The following PCYT1B variants were observed in gnomAD, a reference collection of about 807,000 sequenced individuals.
PCYT1B encodes choline-phosphate cytidylyltransferase B.
Under a neutral mutation model 26.4 loss-of-function variants are expected in PCYT1B, and 10 were observed. The observed-to-expected ratio is 0.38, with a 90% confidence interval of 0.23 to 0.64. The LOEUF (loss-of-function observed/expected upper bound fraction) is 0.64, where lower values mean the gene tolerates loss of function less well. Ranked by LOEUF, PCYT1B falls within the 30% of genes least tolerant of loss-of-function variation. PCYT1B has a pLI of 0.56. For synonymous variants in PCYT1B, 131 were observed against 108.4 expected (o/e 1.21, Z -1.29); for missense variants, 161 against 292.7 (o/e 0.55, Z 3.28).
chrX:24,622,069 A>G (rs1925717505), intron 1 of PCYT1B, among the ~76,000 whole-genome samples: 1 of 112,605 alleles, frequency 8.9e-6, no homozygotes. Context: ...TTGTGTTTGC[A>G]TGTGTGCACA....
At chrX:24,562,654 C>T (rs1454593531) in intron 7 of PCYT1B, 149 bp from the exon 8 acceptor site, 1 of 482,417 alleles carries the variant, frequency 2.1e-6, no homozygotes, top group African/African-American at 2.4e-5. Flanking sequence ...TTGTCCAAGA[C>T]TATGTATAGT....
intron 5 of PCYT1B, among the ~76,000 whole-genome samples, chrX:24,579,750 C>T (rs891185577): frequency 9.0e-6 from 1 of 111,636 alleles, no homozygotes; most frequent in African/African-American, 3.3e-5. Context: ...ATACCCCCTC[C>T]CTGCTCATAT....
chrX:24,591,351 C>T, intron 3 of PCYT1B, among the ~76,000 whole-genome samples: 1 of 111,205 alleles, frequency 9.0e-6, no homozygotes, highest in East Asian at 2.8e-4. Flanking sequence ...CTTGCGGTGG[C>T]CAGTCAGAAC....
Position 24,562,046 on chromosome X carries a change from G to C in PCYT1B, c.*247C>G. On this transcript the variant is annotated 3_prime_UTR_variant, in exon 8 of 8. Transcript: ENST00000379144. ...TCTGCATCCTTCCTTAGCAAGGTTA[G>C]AGTGACTCTAGACGCTAAGGTTTGT... 3 of 1,176,145 alleles carry C rather than the reference G, an allele frequency of 2.6e-6. No individual in the cohort carries two copies. Among genetic ancestry groups the C allele is most frequent in the Non-Finnish European group, 3.5e-6 (3 of 863,487 alleles).
chrX:24,618,572 C>T (rs1925593231), intron 2 of PCYT1B, among the ~76,000 whole-genome samples: 1 of 110,430 alleles, frequency 9.1e-6, no homozygotes, highest in Admixed American at 9.8e-5. Context: ...CTAAGTTCAA[C>T]TCTCTGCTTG....
chrX:24,559,847 T>C lies in PCYT1B; in HGVS notation c.*2446A>G, dbSNP rs1923340842. The C allele has an allele frequency of 9.0e-6, 1 of 111,589 alleles. No homozygotes were observed. The highest frequency in any genetic ancestry group is 3.8e-4 in the South Asian group (1 of 2,655). 9.2% of individuals were successfully genotyped at this position (111,589 alleles called of 1,213,427 possible). A position where few individuals can be genotyped will look rare whatever the true frequency, so the allele number is the denominator to read the frequency against. The stretch of plus-strand genomic sequence containing the variant: ...GGCCAAAAAGTATCAAAAGTTGGGT[T>C]GTAGAATCCTTCCCATTCCTTCTCA... On this transcript the variant is annotated 3_prime_UTR_variant, in exon 8 of 8. Transcript: ENST00000379144.
chrX:24,670,603 T>G (rs1042465379), intron 1 of PCYT1B, among the ~76,000 whole-genome samples: 7 of 112,244 alleles, frequency 6.2e-5, no homozygotes, highest in African/African-American at 1.9e-4. Flanking sequence ...TTGTTACCAT[T>G]AATAATGTAA....
At chrX:24,638,314 T>C (rs1253890468) in intron 1 of PCYT1B, among the ~76,000 whole-genome samples, 1 of 111,772 alleles carries the variant, frequency 8.9e-6, no homozygotes, top group Non-Finnish European at 1.9e-5. Flanking sequence ...ACTGCTTTAT[T>C]TTCTAATCAC....
chrX:24,603,399 T>C (rs768218655), intron 3 of PCYT1B, among the ~76,000 whole-genome samples: 1 of 112,386 alleles, frequency 8.9e-6, no homozygotes, highest in East Asian at 2.8e-4. Context: ...CCCTGCAAGA[T>C]TTTTGAAAGT....
At chrX:24,605,865 C>T (rs1925111086) in intron 3 of PCYT1B, among the ~76,000 whole-genome samples, 1 of 109,242 alleles carries the variant, frequency 9.2e-6, no homozygotes, top group African/African-American at 3.3e-5. Flanking sequence ...ACCAGCCTGA[C>T]CAACATGGTG....
At chrX:24,639,478 G>A (rs1031703279) in intron 1 of PCYT1B, among the ~76,000 whole-genome samples, 4 of 111,106 alleles carry the variant, frequency 3.6e-5, no homozygotes, top group African/African-American at 1.3e-4. Context: ...GAGTCCCAGA[G>A]GCCACAACGA....
chrX:24,564,116 A>T (rs1274716627), intron 7 of PCYT1B, among the ~76,000 whole-genome samples: 1 of 108,481 alleles, frequency 9.2e-6, no homozygotes, highest in African/African-American at 3.4e-5. Flanking sequence ...CAGAAGGTGG[A>T]GGTTGCAGTG....
chrX:24,636,037 T>C (rs1263907018), intron 1 of PCYT1B, among the ~76,000 whole-genome samples: 2 of 111,568 alleles, frequency 1.8e-5, no homozygotes, highest in African/African-American at 6.5e-5. Flanking sequence ...ATTACCTGAC[T>C]AGGGCTGGAC....
At chrX:24,593,427 T>TC (rs1924641817) in intron 3 of PCYT1B, among the ~76,000 whole-genome samples, 1 of 90,065 alleles carries the variant, frequency 1.1e-5, no homozygotes, top group Admixed American at 1.1e-4. Context: ...TCTCTTTCTT[T>TC]CTTTCCTTTC....
chrX:24,594,724 C>T (rs1242151257), intron 3 of PCYT1B, among the ~76,000 whole-genome samples: 1 of 112,101 alleles, frequency 8.9e-6, no homozygotes, highest in Non-Finnish European at 1.9e-5. Context: ...TGAGTCTTGG[C>T]AAATGCACTC....
At chrX:24,650,054 C>A (rs1926731231), upstream of PCYT1B, 1 of 112,195 alleles carries the variant, frequency 8.9e-6, no homozygotes, top group African/African-American at 3.2e-5. Flanking sequence ...CTTTCAGGCA[C>A]CACTCTGAGA....
intron 3 of PCYT1B, among the ~76,000 whole-genome samples, chrX:24,593,882 G>A (rs1924693533): frequency 9.0e-6 from 1 of 110,913 alleles, no homozygotes; most frequent in African/African-American, 3.3e-5. Context: ...GCTTCTAGAT[G>A]CATATAAATA....
chrX:24,626,052 T>C (rs1427612161), intron 1 of PCYT1B, among the ~76,000 whole-genome samples: 2 of 109,545 alleles, frequency 1.8e-5, no homozygotes, highest in Non-Finnish European at 3.8e-5. Context: ...AGGCGGAGGT[T>C]GCAGTGAGCT....
intron 1 of PCYT1B, among the ~76,000 whole-genome samples, chrX:24,653,672 G>C (rs1926831248): frequency 9.0e-6 from 1 of 110,617 alleles, no homozygotes; most frequent in Non-Finnish European, 1.9e-5. Context: ...TAAACTACTT[G>C]AACTTGAATC....
Sources: allele counts gnomAD v4.1 joint callset (sites outside exome capture counted in the v4.1 genomes callset), GRCh38; gene constraint gnomAD v4.1.1; transcripts MANE v1.5; gene names NCBI Gene and HGNC (gene_info 2026-07-23, HGNC 2026-07-21).